The following PCDHGA3 variants were observed in gnomAD, a reference collection of about 807,000 sequenced individuals.
PCDHGA3 encodes protocadherin gamma-A3.
A neutral mutation model predicts 58.5 loss-of-function variants in PCDHGA3; 40 were observed. That is an observed-to-expected ratio of 0.68 (90% confidence interval 0.53 to 0.89). The LOEUF is 0.89. Among genes scored for constraint, PCDHGA3 ranks in the 40% least tolerant of loss-of-function variants. The pLI is 0.00. For synonymous variants in PCDHGA3, 530 were observed against 525.7 expected (o/e 1.01, Z -0.11); for missense variants, 1,223 against 1,195.9 (o/e 1.02, Z -0.33).
chr5:141,360,897 C>T, intron 1 of PCDHGA3: 4 of 1,614,016 alleles, frequency 2.5e-6, no homozygotes, highest in African/African-American at 1.3e-5. Context: ...TGAGGGAGGA[C>T]GTGCCGCCGG....
rs759809591 is a variant in PCDHGA3 at position 141,511,048 on chromosome 5, C to T, written c.2674C>T (p.Arg892Cys). The change falls in exon 4 of 4, where the codon CGC becomes TGC. Residue 892 changes from arginine (R) to cysteine (C), a missense_variant. This residue lies in a region of PCDHGA3 where 325 missense variants were observed against 327.5 expected (regional missense o/e 0.99). Coordinates refer to ENST00000253812, the MANE Select transcript of PCDHGA3 (RefSeq NM_018916.4). ...QFTLQHVPDY[R>C]QNVYIPGSNA... ...CACCCTGCAGCACGTGCCCGACTAC[C>T]GCCAGAATGTCTACATCCCAGGCAG... 9 of 1,614,224 alleles carry T rather than the reference C, an allele frequency of 5.6e-6. No individual in the cohort carries two copies. The highest frequency in any genetic ancestry group is 1.7e-5 in the Admixed American group (1 of 60,034).
chr5:141,460,961 ATGTGTGTG>A (rs35821115), intron 1 of PCDHGA3, among the ~76,000 whole-genome samples: 11 of 144,552 alleles, frequency 7.6e-5, no homozygotes, highest in South Asian at 2.2e-4. Context: ...GTATATATAT[ATGTGTGTG>A]TGTGTGTGTG....
chr5:141,410,849 C>CTTTTTTTTCTTTTT (rs2095433387), intron 1 of PCDHGA3: 1 of 129,786 alleles, frequency 7.7e-6, no homozygotes, highest in African/African-American at 6.0e-5. Flanking sequence ...TTGTCTTTGT[C>CTTTTTTTTCTTTTT]TTTTTTTTTT....
intron 1 of PCDHGA3, chr5:141,428,308 G>A (rs2097132099): frequency 1.5e-6 from 1 of 685,734 alleles, no homozygotes; most frequent in Non-Finnish European, 2.6e-6. Context: ...TTACCTGGTC[G>A]TGGCCTTGGC....
At position 141,375,341 on chromosome 5, in the gene PCDHGA3, A is replaced by G; in HGVS notation, c.2424+28884A>G. ...CCGGGAAGAGGTATTCTTGTACAACATCACTGTGACAGCCACGGACAAAGG... is the reference window on the plus strand; with the variant it reads ...CCGGGAAGAGGTATTCTTGTACAACGTCACTGTGACAGCCACGGACAAAGG... On this transcript the variant is annotated intron_variant, in intron 1 of 3. Transcript: ENST00000253812. 3 of 1,613,856 alleles carry G rather than the reference A, an allele frequency of 1.9e-6. No homozygotes were observed. The highest frequency in any genetic ancestry group is 1.6e-4 in the Middle Eastern group (1 of 6,062).
intron 1 of PCDHGA3, chr5:141,403,705 C>T: frequency 6.2e-7 from 1 of 1,613,894 alleles, no homozygotes; most frequent in Non-Finnish European, 8.5e-7. Context: ...GAGTTAAAGT[C>T]CTTGAGAACG....
In PCDHGA3 at chr5:141,344,111, A is replaced by G; in HGVS notation, c.78A>G (p.Thr26=). ...LCALLGTLCE[T]GSGQIRYSVS... Reference sequence around the variant, plus strand: ...CGCTCCTGGGGACGCTGTGCGAAACAGGATCCGGTCAGATCCGCTACTCGG... The same window carrying G: ...CGCTCCTGGGGACGCTGTGCGAAACGGGATCCGGTCAGATCCGCTACTCGG... The change falls in exon 1 of 4, where the codon ACA becomes ACG. Residue 26 remains threonine (T), a synonymous_variant. Coordinates refer to ENST00000253812, the MANE Select transcript of PCDHGA3 (RefSeq NM_018916.4). The G allele has an allele frequency of 6.2e-7, 1 of 1,614,020 alleles. No homozygotes were observed. The highest frequency in any genetic ancestry group is 8.5e-7 in the Non-Finnish European group (1 of 1,179,870).
chr5:141,439,625 CCA>C (rs1281773200), intron 1 of PCDHGA3, among the ~76,000 whole-genome samples: 1 of 152,150 alleles, frequency 6.6e-6, no homozygotes, highest in African/African-American at 2.4e-5. Flanking sequence ...GAGCCAATCC[CCA>C]GACATTCCGG....
chr5:141,400,402 G>T (rs574141234), intron 1 of PCDHGA3: 2 of 1,614,056 alleles, frequency 1.2e-6, no homozygotes, highest in South Asian at 2.2e-5. Context: ...AGGAAAGACG[G>T]AGTTTAATTT....
chr5:141,372,787 C>A (rs370329594), intron 1 of PCDHGA3: 229 of 1,603,212 alleles, frequency 1.4e-4, no homozygotes, highest in Non-Finnish European at 1.9e-4. Flanking sequence ...GAAATGCCTT[C>A]TAATTCAGGC....
rs375810500 is a variant in PCDHGA3, at chr5:141,364,577, A to G, written c.2424+18120A>G. On this transcript the variant is annotated intron_variant, in intron 1 of 3. Coordinates refer to ENST00000253812, the MANE Select transcript of PCDHGA3 (RefSeq NM_018916.4). ...TTTTGCCCTGAACCCGCGAAGCGGCAGCTTGGTCACCGCGGGCAGGATAGA... is the reference window on the plus strand; with the variant it reads ...TTTTGCCCTGAACCCGCGAAGCGGCGGCTTGGTCACCGCGGGCAGGATAGA... The G allele has an allele frequency of 2.9e-4, 467 of 1,614,196 alleles. No individual in the cohort carries two copies. The highest frequency in any genetic ancestry group is 3.9e-4 in the Non-Finnish European group (459 of 1,179,998).
rs767397479 is a variant in PCDHGA3 at position 141,430,717 on chromosome 5, T to C, written c.2425-64090T>C. On this transcript the variant is annotated intron_variant, in intron 1 of 3. Transcript: ENST00000253812. ...GCGAAGGAACTGCTCCTGACTTCAG[T>C]GGTTAAGGGCAGAATTGAAAATAAT... is the stretch of plus-strand genomic sequence containing the variant. The C allele has an allele frequency of 8.1e-6, 12 of 1,475,446 alleles. No individual in the cohort carries two copies. The East Asian group carries it at 2.4e-4, about 29-fold the overall frequency. 91.4% of individuals were successfully genotyped at this position (1,475,446 alleles called of 1,614,324 possible). A position where few individuals can be genotyped will look rare whatever the true frequency, so the allele number is the denominator to read the frequency against.
At chr5:141,421,892 T>C in intron 1 of PCDHGA3, 1 of 1,613,684 alleles carries the variant, frequency 6.2e-7, no homozygotes, top group Non-Finnish European at 8.5e-7. Context: ...GGCGATCCCA[T>C]CCGAAAGGGC....
intron 1 of PCDHGA3, chr5:141,399,539 G>A (rs1324095299): frequency 1.2e-6 from 2 of 1,614,050 alleles, no homozygotes; most frequent in Non-Finnish European, 1.7e-6. Flanking sequence ...GCGCAAGTCT[G>A]CGCCTCGGAC....
intron 1 of PCDHGA3, chr5:141,374,267 C>A: frequency 6.2e-7 from 1 of 1,614,008 alleles, no homozygotes; most frequent in Non-Finnish European, 8.5e-7. Flanking sequence ...GTTGGCGGAG[C>A]ACGGAGTCCG....
intron 1 of PCDHGA3, chr5:141,422,019 G>C: frequency 6.2e-7 from 1 of 1,610,862 alleles, no homozygotes; most frequent in Non-Finnish European, 8.5e-7. Context: ...GGGTGCTGAT[G>C]GTTAATGCAA....
intron 1 of PCDHGA3, among the ~76,000 whole-genome samples, chr5:141,465,040 C>T (rs1396261200): frequency 6.6e-6 from 1 of 151,842 alleles, no homozygotes; most frequent in Non-Finnish European, 1.5e-5. Context: ...CCACAAATGA[C>T]CCTATATATT....
At chr5:141,389,426 G>C (rs868246317) in intron 1 of PCDHGA3, 1 of 1,613,498 alleles carries the variant, frequency 6.2e-7, no homozygotes, top group Non-Finnish European at 8.5e-7. Context: ...TGGTGTTCGC[G>C]CAGCGCGCCT....
In PCDHGA3 at chr5:141,485,269, C is replaced by T. The variant is rs760197007; in HGVS notation, c.2425-9538C>T. The T allele has an allele frequency of 6.2e-7, 1 of 1,614,090 alleles. No homozygotes were observed. Among genetic ancestry groups the T allele is most frequent in the Admixed American group, 1.7e-5 (1 of 60,028 alleles). On this transcript the variant is annotated intron_variant, in intron 1 of 3. Transcript: ENST00000253812. The surrounding 1 kb of genome is among the most constrained non-coding windows in gnomAD (Gnocchi z 5.7). ...TGGGTTACGTTTGTGGGCAGATCCG[C>T]TACCCGGTCCCAGAGGAGTCACAGG... is the stretch of plus-strand genomic sequence containing the variant.
Sources: allele counts gnomAD v4.1 joint callset (sites outside exome capture counted in the v4.1 genomes callset), GRCh38; gene constraint gnomAD v4.1.1; regional missense constraint gnomAD v4.1.1; non-coding constraint Gnocchi (gnomAD v3.1); transcripts MANE v1.5; gene names NCBI Gene and HGNC (gene_info 2026-07-23, HGNC 2026-07-21).